GALNT15: variants seen among roughly 807,000 people sequenced by gnomAD.
GALNT15 encodes UDP-GalNAc transferase T15.
A neutral mutation model predicts 66.8 loss-of-function variants in GALNT15; 67 were observed. That is an observed-to-expected ratio of 1.00 (90% CI 0.82 to 1.23). The LOEUF (loss-of-function observed/expected upper bound fraction) is 1.23, where lower values mean the gene tolerates loss of function less well. Ranked by LOEUF, GALNT15 falls within the 50% of genes most tolerant of loss-of-function variation. The probability of loss-of-function intolerance (pLI) is 0.00; values close to 1 mark genes in which losing one functional copy is unlikely to be tolerated. For synonymous variants in GALNT15, 313 were observed against 311.5 expected, an observed-to-expected ratio of 1.00 and a Z score of -0.05; for missense variants, 827 against 804.3, an observed-to-expected ratio of 1.03 and a Z score of -0.34.
chr3:16,226,159 A>G (rs1366610770), intron 9 of GALNT15, among the ~76,000 whole-genome samples: 1 of 152,164 alleles, frequency 6.6e-6, no homozygotes, highest in Admixed American at 6.5e-5. Context: ...ATAAATATAG[A>G]AAGTAGATTA....
chr3:16,175,423 G>T lies in GALNT15; in HGVS notation c.272G>T (p.Arg91Leu), dbSNP rs143296803. The change falls in exon 1 of 10, where the codon CGG (arginine) becomes CTG (leucine). Residue 91 changes from arginine to leucine, a missense_variant. Transcript: ENST00000339732. The surrounding 1 kb of genome is among the most constrained non-coding windows in gnomAD (Gnocchi z 5.6). Reference protein sequence around the residue: ...LEGLPPFISLREDQLLVAVAL... With the variant: ...LEGLPPFISLLEDQLLVAVAL... ...GGCCTGCCACCCTTTATCTCACTGC[G>T]GGAGGATCAGCTGCTGGTGGCCGTG... The T allele has an allele frequency of 4.3e-6, 7 of 1,614,174 alleles. No individual in the cohort carries two copies. The South Asian group carries it at 7.7e-5, about 18-fold the overall frequency.
In GALNT15 at chr3:16,175,169, A is replaced by T. The variant is rs1440545931; in HGVS notation, c.18A>T (p.Arg6=). MLLRK[R]YRHRPCRLQF... The stretch of plus-strand genomic sequence containing the variant: ...CTAGCAACATGCTCCTAAGGAAGCG[A>T]TACAGGCACAGACCATGCAGACTCC... Residue 6 remains arginine, a synonymous_variant, in exon 1 of 10, where the codon CGA becomes CGT. Coordinates refer to ENST00000339732, the MANE Select transcript of GALNT15 (RefSeq NM_054110.5). The surrounding 1 kb of genome is among the most constrained non-coding windows in gnomAD (Gnocchi z 5.6). The T allele has an allele frequency of 6.2e-7, 1 of 1,613,520 alleles. No homozygotes were observed. Among genetic ancestry groups the T allele is most frequent in the East Asian group, 2.2e-5 (1 of 44,834 alleles).
At chr3:16,185,379 T>C (rs539878581) in intron 1 of GALNT15, among the ~76,000 whole-genome samples, 1 of 152,358 alleles carries the variant, frequency 6.6e-6, no homozygotes, top group African/African-American at 2.4e-5. Flanking sequence ...GGCACTTATA[T>C]CTGCAAGGAC....
Position 16,203,537 on chromosome 3 carries a change from TCTCTCTCA to T in GALNT15, c.911+2716_911+2723del, listed in dbSNP as rs1483863234. On this transcript the variant is annotated intron_variant, in intron 3 of 9. Transcript: ENST00000339732. This position sits in a 1 kb window ranked among gnomAD's most constrained non-coding sequence, Gnocchi z 6.2. ...GTCACTCATTCTCTCTCTCTCTCTC[TCTCTCTCA>T]CACACACACACACACACACACACAC... is the stretch of plus-strand genomic sequence containing the variant. Among the ~76,000 whole-genome samples the T allele has an allele frequency of 1.2e-5, 1 of 84,008 alleles. No individual in the cohort carries two copies. The highest frequency in any genetic ancestry group is 2.5e-5 in the Non-Finnish European group (1 of 39,816). 55.1% of individuals were successfully genotyped at this position (84,008 alleles called of 152,430 possible).
At chr3:16,190,523 A>G (rs2063564241) in intron 1 of GALNT15, among the ~76,000 whole-genome samples, 1 of 151,964 alleles carries the variant, frequency 6.6e-6, no homozygotes. Context: ...CTGTAGTCCC[A>G]GCTACTCAGG....
rs1574995639 is a variant in GALNT15 at position 16,219,129 on chromosome 3, T to C, written c.1393-274T>C. 6.6e-6 allele frequency among the ~76,000 whole-genome samples: 1 copy of C among 152,082 alleles called. No individual in the cohort carries two copies. Among genetic ancestry groups the C allele is most frequent in the East Asian group, 1.9e-4 (1 of 5,184 alleles). The stretch of plus-strand genomic sequence containing the variant: ...CCGGCCTATTGTAGTCTTTATAGAC[T>C]GGAGATTTGAGGGATTGTGGGAAGG... On this transcript the variant is annotated intron_variant, in intron 6 of 9. Transcript: ENST00000339732. This position sits in a 1 kb window ranked among gnomAD's most constrained non-coding sequence, Gnocchi z 4.3.
intron 2 of GALNT15, among the ~76,000 whole-genome samples, chr3:16,196,168 G>A (rs960745275): frequency 2.0e-5 from 3 of 152,128 alleles, no homozygotes; most frequent in African/African-American, 7.2e-5. Flanking sequence ...GCCCTGGGGA[G>A]GGTCTTGAGG....
rs1209924412 is a variant in GALNT15, at chr3:16,224,687, A to G, written c.1773+1929A>G. On this transcript the variant is annotated intron_variant, in intron 9 of 9. Coordinates refer to ENST00000339732, the MANE Select transcript of GALNT15 (RefSeq NM_054110.5). This position sits in a 1 kb window ranked among gnomAD's most constrained non-coding sequence, Gnocchi z 5.2. Reference sequence around the variant, plus strand: ...GTTTCGCTCTTGTTGCCCAGGCTAGAGTTCAATGGCAGGATCTCGGCTCAC... The same window carrying G: ...GTTTCGCTCTTGTTGCCCAGGCTAGGGTTCAATGGCAGGATCTCGGCTCAC... Among the ~76,000 whole-genome samples the G allele has an allele frequency of 1.4e-5, 2 of 144,662 alleles. No individual in the cohort carries two copies. The highest frequency in any genetic ancestry group is 5.2e-5 in the African/African-American group (2 of 38,552). The allele number at this position is 144,662 out of a possible 152,430, so 94.9% of individuals were successfully genotyped here.
In GALNT15 at chr3:16,229,526, C is replaced by T. The variant is rs552534685; in HGVS notation, c.*2026C>T. The T allele has an allele frequency of 4.7e-5, 46 of 984,896 alleles. No homozygotes were observed. In the Admixed American group the frequency reaches 1.7e-3, roughly 36 times the overall value. The allele number at this position is 984,896 out of a possible 1,614,324, so 61.0% of individuals were successfully genotyped here. A position where few individuals can be genotyped will look rare whatever the true frequency, so the allele number is the denominator to read the frequency against. On this transcript the variant is annotated 3_prime_UTR_variant, in exon 10 of 10. Transcript: ENST00000339732. ...AGAGACTTTAGTCACTGTCTTCTTG[C>T]TTCAGACCCATCTATATTTAAAACA...
intron 6 of GALNT15, 74 bp downstream of exon 6, chr3:16,212,837 CT>C: frequency 7.5e-7 from 1 of 1,328,776 alleles, no homozygotes; most frequent in Non-Finnish European, 1.0e-6. Flanking sequence ...GGGAGGGCTC[CT>C]TTCTCTTGCC....
intron 1 of GALNT15, among the ~76,000 whole-genome samples, chr3:16,194,178 T>C (rs568334667): frequency 1.9e-4 from 29 of 152,308 alleles, no homozygotes; most frequent in South Asian, 4.1e-4. Flanking sequence ...ATCTGTAAAA[T>C]GGGAGTAAGA....
chr3:16,178,093 C>T (rs2063430158), intron 1 of GALNT15, among the ~76,000 whole-genome samples: 1 of 152,022 alleles, frequency 6.6e-6, no homozygotes, highest in Non-Finnish European at 1.5e-5. Context: ...TTTTGTGGTA[C>T]ATGTGTGCGT....
chr3:16,220,746 G>T (rs543269245), intron 8 of GALNT15, among the ~76,000 whole-genome samples: 1 of 152,208 alleles, frequency 6.6e-6, no homozygotes, highest in Non-Finnish European at 1.5e-5. Context: ...AAGATCTGGG[G>T]GGCAAAAGAC....
At chr3:16,218,638 A>G (rs1574995043) in intron 6 of GALNT15, among the ~76,000 whole-genome samples, 3 of 152,024 alleles carry the variant, frequency 2.0e-5, no homozygotes, top group East Asian at 3.9e-4. Flanking sequence ...CCCAACCCCT[A>G]GCCCACGATT....
chr3:16,178,466 A>G (rs756678717), intron 1 of GALNT15, among the ~76,000 whole-genome samples: 47 of 152,284 alleles, frequency 3.1e-4, no homozygotes, highest in Middle Eastern at 3.4e-3. Flanking sequence ...CCAGCTTGCC[A>G]GGGTTCTCAC....
intron 5 of GALNT15, 59 bp from the exon 6 acceptor site, chr3:16,212,510 A>C: frequency 6.6e-7 from 1 of 1,523,192 alleles, no homozygotes; most frequent in Non-Finnish European, 8.9e-7. Flanking sequence ...AGGGCTCCCT[A>C]TTTCCCGCCG....
chr3:16,245,043 C>T, the GALNT15 span, among the ~76,000 whole-genome samples: 93 of 152,258 alleles, frequency 6.1e-4, no homozygotes, highest in Non-Finnish European at 1.2e-3. Flanking sequence ...AGCAAGCACC[C>T]TGGCTTGCTA....
the GALNT15 span, among the ~76,000 whole-genome samples, chr3:16,238,353 A>G: frequency 6.6e-6 from 1 of 152,202 alleles, no homozygotes; most frequent in Non-Finnish European, 1.5e-5. This position sits in a 1 kb window ranked among gnomAD's most constrained non-coding sequence, Gnocchi z 4.8. Flanking sequence ...CTAAGGCTGT[A>G]CTAACTTACT....
At chr3:16,197,347 CTCCA>C (rs997125588) in intron 2 of GALNT15, among the ~76,000 whole-genome samples, 19 of 152,216 alleles carry the variant, frequency 1.2e-4, no homozygotes, top group Non-Finnish European at 1.9e-4. Flanking sequence ...TGGGTTGGCT[CTCCA>C]TCCAGTGGCC....
Sources: gnomAD v4.1 joint callset for allele counts (sites outside exome capture counted in the v4.1 genomes callset) on GRCh38, gnomAD v4.1.1 for gene constraint, Gnocchi (gnomAD v3.1) non-coding constraint, MANE v1.5 for transcripts, NCBI Gene and HGNC (gene_info 2026-07-23, HGNC 2026-07-21) for gene names.